Variants in CCNJL observed in about 807,000 individuals in gnomAD.
CCNJL encodes cyclin J like.
Under a neutral mutation model 33.4 loss-of-function variants are expected in CCNJL, and 33 were observed. That is an observed-to-expected ratio of 0.99 (90% CI 0.75 to 1.32). The LOEUF is 1.32. CCNJL is among the 40% of genes most tolerant of loss of function. The probability of loss-of-function intolerance (pLI) is 0.00; values close to 1 mark genes in which losing one functional copy is unlikely to be tolerated. For missense variants in CCNJL, 512 were observed against 499.7 expected, an observed-to-expected ratio of 1.02 and a Z score of -0.23; for synonymous variants, 227 against 220.9, an observed-to-expected ratio of 1.03 and a Z score of -0.24.
intron 3 of CCNJL, among the ~76,000 whole-genome samples, chr5:160,275,533 G>C (rs960259017): frequency 6.6e-6 from 1 of 151,990 alleles, no homozygotes; most frequent in Non-Finnish European, 1.5e-5. Flanking sequence ...GGCCCAGGCT[G>C]GAGTGCAGTG....
At chr5:160,257,371 A>G (rs1761114076) in intron 4 of CCNJL, among the ~76,000 whole-genome samples, 1 of 152,136 alleles carries the variant, frequency 6.6e-6, no homozygotes, top group Non-Finnish European at 1.5e-5. Flanking sequence ...GCTACTCGGG[A>G]GGCTGAGGCA....
chr5:160,265,994 T>C (rs898400639), intron 3 of CCNJL, among the ~76,000 whole-genome samples: 7 of 152,214 alleles, frequency 4.6e-5, no homozygotes, highest in African/African-American at 1.7e-4. Flanking sequence ...CAGACTTTTA[T>C]CAGAAGTTGA....
At position 160,255,536 on chromosome 5, in the gene CCNJL, G is replaced by A. The variant is rs1761022139; in HGVS notation, c.743+13C>T. On this transcript the variant is annotated intron_variant, in intron 5 of 5. Transcript: ENST00000257536. ...ACTATTTCAGAAACACAGGATTCAG[G>A]GGAGAAACTTACACCAGCAGGATTT... 6.2e-7 allele frequency: 1 copy of A among 1,613,296 alleles called. No individual in the cohort carries two copies. The highest frequency in any genetic ancestry group is 1.3e-5 in the African/African-American group (1 of 74,898).
chr5:160,307,747 A>G (rs547837188), intron 2 of CCNJL, among the ~76,000 whole-genome samples: 1 of 152,232 alleles, frequency 6.6e-6, no homozygotes, highest in East Asian at 1.9e-4. Flanking sequence ...GAAAGGTCAG[A>G]GGAGCTGAAG....
At chr5:160,337,585 C>G (rs1406638159) in intron 1 of CCNJL, among the ~76,000 whole-genome samples, 1 of 152,008 alleles carries the variant, frequency 6.6e-6, no homozygotes, top group Non-Finnish European at 1.5e-5. Flanking sequence ...GCTCCTTGAG[C>G]CAACCATGTT....
At chr5:160,287,409 A>G (rs1762440471) in intron 2 of CCNJL, among the ~76,000 whole-genome samples, 1 of 152,258 alleles carries the variant, frequency 6.6e-6, no homozygotes, top group South Asian at 2.1e-4. Flanking sequence ...ACCAAGTAGA[A>G]TTAGCAGCTC....
intron 2 of CCNJL, among the ~76,000 whole-genome samples, chr5:160,292,579 C>A (rs1762620550): frequency 6.6e-6 from 1 of 152,090 alleles, no homozygotes; most frequent in South Asian, 2.1e-4. Context: ...TACGATTATG[C>A]CACTGCACTC....
rs140683256 is a variant in CCNJL at position 160,264,171 on chromosome 5, C to T, written c.281-4400G>A. Among the ~76,000 whole-genome samples the T allele has an allele frequency of 1.9e-3, 288 of 152,240 alleles. 2 individuals carry two copies. Among genetic ancestry groups the T allele is most frequent in the African/African-American group, 6.5e-3 (271 of 41,532 alleles). On this transcript the variant is annotated intron_variant, in intron 3 of 5. Coordinates refer to ENST00000257536, the MANE Select transcript of CCNJL (RefSeq NM_001308173.3). Reference sequence around the variant, plus strand: ...AAATCCTGGGCTCAAGTGATCTGCCCGCCCCGGCCTCCCCAAGTGTTGGGA... The same window carrying T: ...AAATCCTGGGCTCAAGTGATCTGCCTGCCCCGGCCTCCCCAAGTGTTGGGA...
intron 3 of CCNJL, among the ~76,000 whole-genome samples, chr5:160,270,252 T>A (rs1262109922): frequency 1.3e-5 from 2 of 152,182 alleles, no homozygotes; most frequent in Non-Finnish European, 2.9e-5. Flanking sequence ...AAGACCAGCC[T>A]GACCAATATG....
chr5:160,269,411 C>A, intron 3 of CCNJL: 1 of 456,494 alleles, frequency 2.2e-6, no homozygotes, highest in Non-Finnish European at 4.4e-6. Context: ...TCTCCTGTCA[C>A]GAAAGAAGGT....
intron 3 of CCNJL, among the ~76,000 whole-genome samples, chr5:160,271,678 G>A (rs912446728): frequency 3.9e-5 from 6 of 152,198 alleles, no homozygotes; most frequent in Admixed American, 6.5e-5. Flanking sequence ...GCCCTGTGCC[G>A]CGTGGCCACC....
chr5:160,257,916 G>A (rs976926169), intron 4 of CCNJL, among the ~76,000 whole-genome samples: 1 of 150,934 alleles, frequency 6.6e-6, no homozygotes, highest in South Asian at 2.1e-4. Flanking sequence ...GCACGATCTC[G>A]GCTCACTGCA....
At chr5:160,317,727 G>A (rs1270469840), upstream of CCNJL, among the ~76,000 whole-genome samples, 2 of 152,116 alleles carry the variant, frequency 1.3e-5, no homozygotes, top group Non-Finnish European at 2.9e-5. Context: ...AGTTTCTGGG[G>A]CTGCCATAAC....
At chr5:160,265,609 T>G (rs1761547048) in intron 3 of CCNJL, among the ~76,000 whole-genome samples, 1 of 151,324 alleles carries the variant, frequency 6.6e-6, no homozygotes, top group Non-Finnish European at 1.5e-5. Context: ...CACTCCATCC[T>G]GGGCAACAGA....
chr5:160,307,435 G>A (rs1017515396), intron 2 of CCNJL, among the ~76,000 whole-genome samples: 1 of 152,132 alleles, frequency 6.6e-6, no homozygotes, highest in Non-Finnish European at 1.5e-5. Context: ...CAATGCTCTC[G>A]TTCCATCATG....
intron 1 of CCNJL, among the ~76,000 whole-genome samples, chr5:160,335,848 T>A (rs563638551): frequency 2.0e-5 from 3 of 151,846 alleles, no homozygotes; most frequent in Non-Finnish European, 4.4e-5. Flanking sequence ...CTTCCCAAAG[T>A]GCTAGAATTA....
intron 3 of CCNJL, among the ~76,000 whole-genome samples, chr5:160,260,350 G>A (rs1357667162): frequency 6.6e-6 from 1 of 152,174 alleles, no homozygotes; most frequent in Non-Finnish European, 1.5e-5. Context: ...GGTCTTGGAA[G>A]GTAAGCCCAG....
chr5:160,287,029 C>G (rs1446002441), intron 2 of CCNJL, among the ~76,000 whole-genome samples: 1 of 152,188 alleles, frequency 6.6e-6, no homozygotes, highest in Admixed American at 6.5e-5. Context: ...CACCTCACCT[C>G]CCGCCCCCAC....
At chr5:160,273,193 T>C (rs1382347758) in intron 3 of CCNJL, among the ~76,000 whole-genome samples, 1 of 152,224 alleles carries the variant, frequency 6.6e-6, no homozygotes, top group Non-Finnish European at 1.5e-5. Context: ...TAGGGGAAGG[T>C]ACAAGGTTAG....
Sources: allele counts gnomAD v4.1 joint callset (sites outside exome capture counted in the v4.1 genomes callset), GRCh38; gene constraint gnomAD v4.1.1; transcripts MANE v1.5; gene names NCBI Gene and HGNC (gene_info 2026-07-23, HGNC 2026-07-21).